SOCS2: variants seen among roughly 807,000 people sequenced by gnomAD.
SOCS2 encodes the protein CIS-2.
A neutral mutation model predicts 18.6 loss-of-function variants in SOCS2; 10 were observed. The ratio of observed to expected loss-of-function variants is 0.54; its 90% confidence interval spans 0.33 to 0.91. The LOEUF is 0.91. Among genes scored for constraint, SOCS2 ranks in the 40% least tolerant of loss-of-function variants. SOCS2 has a pLI of 0.02. For missense variants in SOCS2, 231 were observed against 247.2 expected, an observed-to-expected ratio of 0.93 and a Z score of 0.44; for synonymous variants, 104 against 104.0, an observed-to-expected ratio of 1.00 and a Z score of 0.00.
the SOCS2 span, among the ~76,000 whole-genome samples, chr12:93,614,593 T>G: frequency 1.8e-5 from 2 of 113,952 alleles, no homozygotes; most frequent in Non-Finnish European, 3.5e-5. Context: ...CTTTCTTTCT[T>G]TCTTTCTTTC....
At chr12:93,573,257 A>G in intron 1 of SOCS2, 1 of 617,630 alleles carries the variant, frequency 1.6e-6, no homozygotes, top group African/African-American at 1.8e-5. Context: ...GAGCGCGGGA[A>G]GAGCTTCTTG....
the SOCS2 span, among the ~76,000 whole-genome samples, chr12:93,614,201 CTTAT>C: frequency 2.6e-5 from 4 of 151,972 alleles, no homozygotes; most frequent in African/African-American, 9.7e-5. Flanking sequence ...ATGAATACTT[CTTAT>C]TTCTCATCTG....
At chr12:93,606,274 C>T in the SOCS2 span, among the ~76,000 whole-genome samples, 1 of 152,122 alleles carries the variant, frequency 6.6e-6, no homozygotes, top group South Asian at 2.1e-4. Flanking sequence ...GGGTTCTATT[C>T]CTGTAGAAGG....
the SOCS2 span, among the ~76,000 whole-genome samples, chr12:93,610,293 A>G: frequency 1.3e-5 from 2 of 152,272 alleles, no homozygotes; most frequent in East Asian, 3.9e-4. Flanking sequence ...AAAGCCCCTC[A>G]TCCCAGGACA....
At chr12:93,571,811 C>CG (rs1303178954), upstream of SOCS2, 1 of 412,216 alleles carries the variant, frequency 2.4e-6, no homozygotes, top group Non-Finnish European at 4.8e-6. Flanking sequence ...CCTCCTCTCC[C>CG]GGGCCCCTCC....
At chr12:93,604,650 C>T in the SOCS2 span, among the ~76,000 whole-genome samples, 2 of 151,858 alleles carry the variant, frequency 1.3e-5, no homozygotes, top group African/African-American at 4.8e-5. Context: ...TTTTCTTTTT[C>T]TTTGCTTTTA....
chr12:93,600,146 T>A, the SOCS2 span, among the ~76,000 whole-genome samples: 2 of 152,194 alleles, frequency 1.3e-5, no homozygotes, highest in Admixed American at 1.3e-4. Context: ...GAAAAAAAAA[T>A]TAATAAATGG....
At chr12:93,592,253 A>G in the SOCS2 span, among the ~76,000 whole-genome samples, 1 of 152,096 alleles carries the variant, frequency 6.6e-6, no homozygotes, top group Non-Finnish European at 1.5e-5. Flanking sequence ...TAATATTTGG[A>G]CTCTCTATGT....
chr12:93,621,098 C>A, the SOCS2 span, among the ~76,000 whole-genome samples: 1 of 152,120 alleles, frequency 6.6e-6, no homozygotes, highest in African/African-American at 2.4e-5. Context: ...AAGAGCTGAG[C>A]ATATACGTCC....
At chr12:93,583,671 C>T (rs1954565977), downstream of SOCS2, among the ~76,000 whole-genome samples, 1 of 152,124 alleles carries the variant, frequency 6.6e-6, no homozygotes, top group Non-Finnish European at 1.5e-5. Flanking sequence ...TTTGAAGCTG[C>T]GTTGGGCAGG....
At chr12:93,589,842 TG>T in the SOCS2 span, among the ~76,000 whole-genome samples, 5,219 of 152,330 alleles carry the variant, frequency 0.034, 110 homozygotes, top group Middle Eastern at 0.054. Context: ...TAGAACTTTG[TG>T]GCAAAACTTT....
At chr12:93,586,001 A>G (rs1472981924), downstream of SOCS2, among the ~76,000 whole-genome samples, 1 of 152,222 alleles carries the variant, frequency 6.6e-6, no homozygotes. Flanking sequence ...ACTATATTTT[A>G]AAGGTTTGTA....
the SOCS2 span, among the ~76,000 whole-genome samples, chr12:93,589,882 C>T: frequency 1.3e-5 from 2 of 152,206 alleles, no homozygotes; most frequent in Non-Finnish European, 1.5e-5. Context: ...AATAAAGGAA[C>T]TTCAGTTTTG....
In SOCS2 at chr12:93,575,408, G is replaced by A. The variant is rs17021316; in HGVS notation, c.*229G>A. On this transcript the variant is annotated 3_prime_UTR_variant, in exon 2 of 2. Coordinates refer to ENST00000551556, the MANE Select transcript of SOCS2 (RefSeq NM_001270471.2). ...CCCTTCCTAAGGCTGACCAAGACCT[G>A]TTGATCCTTTTAGATTAAAAATAAA... The A allele has an allele frequency of 9.6e-4, 287 of 299,148 alleles. No homozygotes were observed. Among genetic ancestry groups the A allele is most frequent in the African/African-American group, 5.9e-3 (273 of 46,340 alleles). The allele number at this position is 299,148 out of a possible 1,614,324, so 18.5% of individuals were successfully genotyped here.
At chr12:93,611,708 C>T in the SOCS2 span, among the ~76,000 whole-genome samples, 1 of 152,158 alleles carries the variant, frequency 6.6e-6, no homozygotes, top group Non-Finnish European at 1.5e-5. Context: ...TTTTATGTTT[C>T]AGCACAATTT....
chr12:93,580,242 G>A (rs186946744), downstream of SOCS2, among the ~76,000 whole-genome samples: 15 of 152,268 alleles, frequency 9.9e-5, no homozygotes, highest in East Asian at 2.7e-3. Flanking sequence ...TTTTTGCTAA[G>A]CATTTTTTCC....
the SOCS2 span, among the ~76,000 whole-genome samples, chr12:93,618,124 G>T: frequency 6.6e-6 from 1 of 151,996 alleles, no homozygotes; most frequent in African/African-American, 2.4e-5. Flanking sequence ...TCTCTCTTCC[G>T]CCTGCTCTGG....
chr12:93,603,786 A>G, the SOCS2 span, among the ~76,000 whole-genome samples: 1 of 152,178 alleles, frequency 6.6e-6, no homozygotes, highest in Admixed American at 6.5e-5. Context: ...AATGGCCAAT[A>G]AAACCATCAG....
chr12:93,614,369 CTTTCTTTCT>C, the SOCS2 span, among the ~76,000 whole-genome samples: 1 of 52,396 alleles, frequency 1.9e-5, no homozygotes, highest in Non-Finnish European at 5.4e-5. Context: ...TTCCTTCTTT[CTTTCTTTCT>C]TTCTTTCTTT....
Sources: gnomAD v4.1 joint callset for allele counts (sites outside exome capture counted in the v4.1 genomes callset) on GRCh38, gnomAD v4.1.1 for gene constraint, MANE v1.5 for transcripts, NCBI Gene and HGNC (gene_info 2026-07-23, HGNC 2026-07-21) for gene names.